GSG1L: variants seen among roughly 807,000 people sequenced by gnomAD.
GSG1L encodes germ cell-specific gene 1-like protein.
A neutral mutation model predicts 42.1 loss-of-function variants in GSG1L; 24 were observed. The observed-to-expected ratio is 0.57, with a 90% CI of 0.41 to 0.80. The LOEUF is 0.80. GSG1L is among the 30% of genes least tolerant of loss of function. The probability of loss-of-function intolerance (pLI) is 0.00; values close to 1 mark genes in which losing one functional copy is unlikely to be tolerated. For synonymous variants in GSG1L, 215 were observed against 203.5 expected (o/e 1.06, Z -0.48); for missense variants, 445 against 472.2 (o/e 0.94, Z 0.53).
At chr16:28,047,433 AAAAG>A (rs1455065690) in intron 1 of GSG1L, among the ~76,000 whole-genome samples, 1 of 152,184 alleles carries the variant, frequency 6.6e-6, no homozygotes, top group Admixed American at 6.5e-5. Context: ...ACATTCAACA[AAAAG>A]AAAGAAGTGA....
chr16:28,009,590 G>A (rs571427626), intron 1 of GSG1L, among the ~76,000 whole-genome samples: 24 of 152,310 alleles, frequency 1.6e-4, no homozygotes, highest in Admixed American at 6.5e-4. Context: ...GAGTAAATGC[G>A]TGCTGTGTCA....
chr16:27,888,482 CCTTTCTTTCTTTCTTTCTTTCTT>C (rs2084070537), intron 2 of GSG1L, among the ~76,000 whole-genome samples: 1 of 68,914 alleles, frequency 1.5e-5, no homozygotes, highest in Non-Finnish European at 2.8e-5. Flanking sequence ...CTCTCTCTTT[CCTTTCTTTCTTTCTTTCTTTCTT>C]TCTTTCTTTC....
At chr16:27,794,656 C>G (rs2082797921) in intron 6 of GSG1L, among the ~76,000 whole-genome samples, 1 of 152,186 alleles carries the variant, frequency 6.6e-6, no homozygotes, top group Non-Finnish European at 1.5e-5. Context: ...AACTGAAAAT[C>G]TGGATCTCGA....
At chr16:28,045,322 G>C (rs1232670379) in intron 1 of GSG1L, among the ~76,000 whole-genome samples, 1 of 152,156 alleles carries the variant, frequency 6.6e-6, no homozygotes, top group Non-Finnish European at 1.5e-5. Context: ...GAAGAAAGGG[G>C]GGATATGGGA....
intron 3 of GSG1L, among the ~76,000 whole-genome samples, chr16:27,858,779 C>T (rs2083608873): frequency 1.3e-5 from 2 of 152,184 alleles, no homozygotes; most frequent in Non-Finnish European, 2.9e-5. Context: ...CATAGTGAGA[C>T]CCCATCTCTA....
chr16:28,041,076 G>A (rs113659118), intron 1 of GSG1L, among the ~76,000 whole-genome samples: 1,955 of 152,228 alleles, frequency 0.013, 55 homozygotes, highest in African/African-American at 0.044. Context: ...AAGGTCACAC[G>A]GAGGTAGCAA....
chr16:27,882,702 C>T (rs974226941), intron 3 of GSG1L, among the ~76,000 whole-genome samples: 4 of 152,188 alleles, frequency 2.6e-5, no homozygotes, highest in African/African-American at 4.8e-5. Flanking sequence ...CCACTCATCC[C>T]GACTCCCTGG....
chr16:27,801,469 C>T (rs751326401), intron 6 of GSG1L, among the ~76,000 whole-genome samples: 140 of 152,294 alleles, frequency 9.2e-4, no homozygotes, highest in South Asian at 3.1e-3. Flanking sequence ...TTCCTCCTGC[C>T]GGCAAGTCAG....
Position 28,025,714 on chromosome 16 carries a change from G to A in GSG1L, c.349+37362C>T, listed in dbSNP as rs528105123. On this transcript the variant is annotated intron_variant, in intron 1 of 6. Transcript: ENST00000447459. ...TTTGCCTGGGACCCTGTGAAAGAGC[G>A]GGGACCCCATCCCCTGCCTGTTCTT... Among the ~76,000 whole-genome samples, 7 of 152,308 alleles carry A rather than the reference G, an allele frequency of 4.6e-5. No individual in the cohort carries two copies. In the South Asian group the frequency reaches 6.2e-4, roughly 14 times the overall value.
chr16:27,950,148 G>A (rs1442891541), intron 2 of GSG1L, among the ~76,000 whole-genome samples: 5 of 152,096 alleles, frequency 3.3e-5, no homozygotes, highest in African/African-American at 7.2e-5. Flanking sequence ...GTGAGCCTTC[G>A]AGTTATATTA....
intron 6 of GSG1L, among the ~76,000 whole-genome samples, chr16:27,793,746 C>A (rs1567455455): frequency 6.6e-6 from 1 of 152,278 alleles, no homozygotes; most frequent in East Asian, 1.9e-4. Context: ...GGACTGGGGC[C>A]CTCCTCCCTT....
chr16:27,841,088 G>A (rs1567480189), intron 4 of GSG1L, among the ~76,000 whole-genome samples: 1 of 152,216 alleles, frequency 6.6e-6, no homozygotes, highest in Non-Finnish European at 1.5e-5. Context: ...GGGGTGATGT[G>A]TACACCTCAA....
chr16:27,854,832 C>A (rs2140993675), intron 3 of GSG1L, among the ~76,000 whole-genome samples: 1 of 152,064 alleles, frequency 6.6e-6, no homozygotes, highest in East Asian at 1.9e-4. Context: ...GGAGAGAGGA[C>A]AAGGAGAAAG....
At chr16:28,030,427 A>C (rs2085944739) in intron 1 of GSG1L, among the ~76,000 whole-genome samples, 1 of 152,154 alleles carries the variant, frequency 6.6e-6, no homozygotes, top group Admixed American at 6.5e-5. Context: ...GAGGACTGCC[A>C]GAGAGTGAAA....
chr16:27,829,211 G>C (rs1361077294), intron 4 of GSG1L, among the ~76,000 whole-genome samples: 1 of 152,178 alleles, frequency 6.6e-6, no homozygotes, highest in African/African-American at 2.4e-5. Flanking sequence ...GAATCATTCT[G>C]TCCAAGGGGG....
intron 6 of GSG1L, among the ~76,000 whole-genome samples, chr16:27,795,420 T>G (rs1177032539): frequency 1.3e-5 from 2 of 152,116 alleles, no homozygotes; most frequent in Admixed American, 1.3e-4. Context: ...TTGTGTGAAT[T>G]TTTTTTAAGC....
intron 2 of GSG1L, among the ~76,000 whole-genome samples, chr16:27,959,556 A>C: frequency 6.7e-6 from 1 of 150,350 alleles, no homozygotes; most frequent in South Asian, 2.2e-4. Flanking sequence ...GGGAAGGGGA[A>C]AGAGAGAAAG....
chr16:27,899,259 T>C (rs772625613), intron 2 of GSG1L, among the ~76,000 whole-genome samples: 5 of 152,220 alleles, frequency 3.3e-5, no homozygotes, highest in Non-Finnish European at 5.9e-5. Context: ...GAGTTGGCAG[T>C]GTAGCCCAGT....
intron 1 of GSG1L, among the ~76,000 whole-genome samples, chr16:27,965,084 T>A (rs1487977307): frequency 2.0e-5 from 3 of 152,184 alleles, no homozygotes; most frequent in African/African-American, 7.2e-5. Flanking sequence ...AGTGGTGCAA[T>A]CTCGGCTCAC....
Sources: gnomAD v4.1 joint callset for allele counts (sites outside exome capture counted in the v4.1 genomes callset) on GRCh38, gnomAD v4.1.1 for gene constraint, MANE v1.5 for transcripts, NCBI Gene and HGNC (gene_info 2026-07-23, HGNC 2026-07-21) for gene names.